GRIN2B: variants seen among roughly 807,000 people sequenced by gnomAD.
The protein encoded by GRIN2B is glutamate receptor ionotropic, NMDA 2B.
GRIN2B carries 5 observed loss-of-function variants against 114.5 expected under a neutral mutation model. The ratio of observed to expected loss-of-function variants is 0.04; its 90% CI spans 0.02 to 0.09. GRIN2B has a LOEUF of 0.09. Among genes scored for constraint, GRIN2B ranks in the 10% least tolerant of loss-of-function variants. The pLI is 1.00. For synonymous variants in GRIN2B, 787 were observed against 745.1 expected, an observed-to-expected ratio of 1.06 and a Z score of -0.92; for missense variants, 1,108 against 1,943.5, an observed-to-expected ratio of 0.57 and a Z score of 8.08.
chr12:13,749,144 G>A (rs1381655597), intron 4 of GRIN2B, among the ~76,000 whole-genome samples: 1 of 152,176 alleles, frequency 6.6e-6, no homozygotes, highest in Non-Finnish European at 1.5e-5. Context: ...TGCATTTAAG[G>A]ATCCTCCCTG....
At chr12:13,930,285 G>A (rs1867003479) in intron 2 of GRIN2B, among the ~76,000 whole-genome samples, 1 of 152,170 alleles carries the variant, frequency 6.6e-6, no homozygotes, top group South Asian at 2.1e-4. Context: ...TTAGACTGGT[G>A]ATTCAGAGAA....
chr12:13,791,379 G>A (rs1209609918), intron 3 of GRIN2B, among the ~76,000 whole-genome samples: 1 of 151,666 alleles, frequency 6.6e-6, no homozygotes, highest in Non-Finnish European at 1.5e-5. Flanking sequence ...ATGAACCCGG[G>A]AGGCGGAGCT....
chr12:13,746,025 CAA>C (rs201084075), intron 4 of GRIN2B, among the ~76,000 whole-genome samples: 2 of 151,232 alleles, frequency 1.3e-5, no homozygotes, highest in South Asian at 2.1e-4. Context: ...AGGAGGGAGA[CAA>C]AAAAAATTTT....
intron 3 of GRIN2B, among the ~76,000 whole-genome samples, chr12:13,843,730 A>G (rs181618358): frequency 1.3e-5 from 2 of 152,346 alleles, no homozygotes; most frequent in East Asian, 3.9e-4. Flanking sequence ...TATTAGGAAC[A>G]CGTTGCAAAT....
At chr12:13,598,494 A>C (rs2136451643) in intron 10 of GRIN2B, among the ~76,000 whole-genome samples, 1 of 152,242 alleles carries the variant, frequency 6.6e-6, no homozygotes, top group Admixed American at 6.5e-5. Flanking sequence ...GTATGGGTCA[A>C]ATGCCAGCCC....
chr12:13,798,041 CT>C (rs1173868813), intron 3 of GRIN2B, among the ~76,000 whole-genome samples: 1 of 152,210 alleles, frequency 6.6e-6, no homozygotes, highest in African/African-American at 2.4e-5. Flanking sequence ...GCCTAAGATT[CT>C]GTATTTCTAA....
Position 13,540,026 on chromosome 12 carries a change from A to G in GRIN2B, c.*22757T>C, listed in dbSNP as rs1342418723. ...TATGGGATTTGTTTCAGAATAATAC[A>G]TGAGGGGGAGATGAGTGTAACCAAG... On this transcript the variant is annotated 3_prime_UTR_variant, in exon 14 of 14. Coordinates refer to ENST00000609686, the MANE Select transcript of GRIN2B (RefSeq NM_000834.5). The G allele has an allele frequency of 1.3e-5, 2 of 152,242 alleles. No individual in the cohort carries two copies. Among genetic ancestry groups the G allele is most frequent in the Non-Finnish European group, 2.9e-5 (2 of 68,054 alleles). The allele number at this position is 152,242 out of a possible 1,614,324, so 9.4% of individuals were successfully genotyped here. A position where few individuals can be genotyped will look rare whatever the true frequency, so the allele number is the denominator to read the frequency against.
intron 5 of GRIN2B, among the ~76,000 whole-genome samples, chr12:13,633,529 T>C (rs1949635717): frequency 6.6e-6 from 1 of 152,208 alleles, no homozygotes; most frequent in African/African-American, 2.4e-5. Flanking sequence ...AGGGTAAAAC[T>C]CATCCCCTTC....
rs1393648756 is a variant in GRIN2B, at chr12:13,711,610, C to A, written c.1011-35751G>T. On this transcript the variant is annotated intron_variant, in intron 4 of 13. Coordinates refer to ENST00000609686, the MANE Select transcript of GRIN2B (RefSeq NM_000834.5). ...TCTCAAAAGAAGACATTTATGCAGC[C>A]AAAAGACACATGAAAAAATGCTCAT... Among the ~76,000 whole-genome samples, 6 of 151,952 alleles carry A rather than the reference C, an allele frequency of 3.9e-5. No individual in the cohort carries two copies. The East Asian group carries it at 1.2e-3, about 29-fold the overall frequency.
intron 10 of GRIN2B, among the ~76,000 whole-genome samples, chr12:13,598,889 T>C (rs2268096): frequency 0.053 from 8,007 of 152,280 alleles, 290 homozygotes; most frequent in East Asian, 0.17. Flanking sequence ...TGGTACTGAC[T>C]AGCCATGTGC....
rs1282677023 is a variant in GRIN2B, at chr12:13,755,593, A to G, written c.412-1678T>C. Among the ~76,000 whole-genome samples, 4 of 152,208 alleles carry G rather than the reference A, an allele frequency of 2.6e-5. No individual in the cohort carries two copies. The East Asian group carries it at 7.7e-4, about 29-fold the overall frequency. On this transcript the variant is annotated intron_variant, in intron 3 of 13. Transcript: ENST00000609686. ...GCACCAAGAATAGGTGAGTAGAAAA[A>G]AGGGAATGAATTCACAATAGAATAA...
rs1377540249 is a variant in GRIN2B at position 13,537,755 on chromosome 12, C to G, written c.*25028G>C. ...GAATGAGACTCTCTAGGGGATGAGA[C>G]TCAGGCATCAGCATTTCAGAAATAC... On this transcript the variant is annotated 3_prime_UTR_variant, in exon 14 of 14. Transcript: ENST00000609686. 2 of 152,196 alleles carry G rather than the reference C, an allele frequency of 1.3e-5. No individual in the cohort carries two copies. Among genetic ancestry groups the G allele is most frequent in the Non-Finnish European group, 2.9e-5 (2 of 68,058 alleles). 9.4% of individuals were successfully genotyped at this position (152,196 alleles called of 1,614,324 possible). A position where few individuals can be genotyped will look rare whatever the true frequency, so the allele number is the denominator to read the frequency against.
intron 3 of GRIN2B, among the ~76,000 whole-genome samples, chr12:13,770,639 C>T (rs1423190360): frequency 6.6e-6 from 1 of 152,134 alleles, no homozygotes; most frequent in East Asian, 1.9e-4. Context: ...TAGATATGTG[C>T]TATTTATTCC....
At chr12:13,713,833 T>C (rs940792248) in intron 4 of GRIN2B, among the ~76,000 whole-genome samples, 2 of 151,904 alleles carry the variant, frequency 1.3e-5, no homozygotes, top group African/African-American at 4.8e-5. Flanking sequence ...ACCAACCACT[T>C]AGAGCTTTTA....
At chr12:13,809,485 G>A (rs1021716762) in intron 3 of GRIN2B, among the ~76,000 whole-genome samples, 2 of 152,158 alleles carry the variant, frequency 1.3e-5, no homozygotes, top group African/African-American at 4.8e-5. Context: ...TATGTCTGGT[G>A]CTGCTTATAT....
chr12:13,942,926 C>G (rs1867286308), intron 2 of GRIN2B, among the ~76,000 whole-genome samples: 1 of 152,146 alleles, frequency 6.6e-6, no homozygotes, highest in Non-Finnish European at 1.5e-5. Flanking sequence ...AGTTATCTTG[C>G]TTGGCTGGCA....
chr12:13,562,747 C>A lies in GRIN2B; in HGVS notation c.*36G>T. The A allele has an allele frequency of 6.4e-7, 1 of 1,567,860 alleles. No homozygotes were observed. The highest frequency in any genetic ancestry group is 8.8e-7 in the Non-Finnish European group (1 of 1,137,698). On this transcript the variant is annotated 3_prime_UTR_variant, in exon 14 of 14. Transcript: ENST00000609686. ...CGCATCACGCGACCCACAGCCTTAC[C>A]CTCCCGTACCCACCTTAACCTCTCT...
At chr12:13,907,566 A>G (rs570753665) in intron 2 of GRIN2B, among the ~76,000 whole-genome samples, 2 of 152,304 alleles carry the variant, frequency 1.3e-5, no homozygotes, top group East Asian at 3.9e-4. Context: ...ACGTTCAAGA[A>G]CAGGCAAAAT....
At chr12:13,710,095 A>G (rs1055016215) in intron 4 of GRIN2B, among the ~76,000 whole-genome samples, 2 of 152,052 alleles carry the variant, frequency 1.3e-5, no homozygotes, top group African/African-American at 4.8e-5. Flanking sequence ...TTTAAAAAGG[A>G]GCATACTGTT....
Sources: gnomAD v4.1 joint callset for allele counts (sites outside exome capture counted in the v4.1 genomes callset) on GRCh38, gnomAD v4.1.1 for gene constraint, MANE v1.5 for transcripts, NCBI Gene and HGNC (gene_info 2026-07-23, HGNC 2026-07-21) for gene names.